Variants in LYRM4 observed in about 807,000 individuals in gnomAD.
The protein encoded by LYRM4 is LYR motif containing 4, also known as LYR motif-containing protein 4.
A neutral mutation model predicts 11.7 loss-of-function variants in LYRM4; 9 were observed. The ratio of observed to expected loss-of-function variants is 0.77; its 90% CI spans 0.46 to 1.34. LYRM4 has a LOEUF of 1.34. Among genes scored for constraint, LYRM4 ranks in the 40% most tolerant of loss-of-function variants. The probability of loss-of-function intolerance (pLI) is 0.00; values close to 1 mark genes in which losing one functional copy is unlikely to be tolerated. For synonymous variants in LYRM4, 42 were observed against 40.4 expected (o/e 1.04, Z -0.15); for missense variants, 133 against 112.5 (o/e 1.18, Z -0.82).
At chr6:5,098,755 G>T (rs1266087309), downstream of LYRM4, among the ~76,000 whole-genome samples, 3 of 152,148 alleles carry the variant, frequency 2.0e-5, no homozygotes, top group Non-Finnish European at 4.4e-5. Context: ...TACCATGGCG[G>T]GCAGAACCCC....
the LYRM4 span, among the ~76,000 whole-genome samples, chr6:5,096,920 T>G: frequency 2.0e-5 from 3 of 146,730 alleles, no homozygotes; most frequent in African/African-American, 7.5e-5. Context: ...GAACAAATGA[T>G]AGTAGCCCTG....
chr6:5,094,562 A>C, the LYRM4 span, among the ~76,000 whole-genome samples: 63 of 152,346 alleles, frequency 4.1e-4, no homozygotes, highest in African/African-American at 1.4e-3. Context: ...GATGACTAAC[A>C]GATTTCTGTG....
At chr6:5,089,600 A>T in the LYRM4 span, 2 of 152,236 alleles carry the variant, frequency 1.3e-5, no homozygotes, top group Non-Finnish European at 2.9e-5. Context: ...TCATAACACC[A>T]TTACTGATTT....
chr6:5,128,279 C>T (rs1401333998), intron 2 of LYRM4, among the ~76,000 whole-genome samples: 1 of 152,200 alleles, frequency 6.6e-6, no homozygotes, highest in Non-Finnish European at 1.5e-5. Context: ...GCAGTGATGA[C>T]ATTTATATCC....
At chr6:5,185,438 G>GT (rs1004826849) in intron 2 of LYRM4, among the ~76,000 whole-genome samples, 2 of 152,136 alleles carry the variant, frequency 1.3e-5, no homozygotes, top group African/African-American at 4.8e-5. Context: ...GAAGAAATGG[G>GT]TTTTGGATTC....
At chr6:5,145,103 T>C (rs1195862076) in intron 2 of LYRM4, among the ~76,000 whole-genome samples, 1 of 152,150 alleles carries the variant, frequency 6.6e-6, no homozygotes, top group East Asian at 1.9e-4. Flanking sequence ...AACGGGCACA[T>C]CCCTGTGGAA....
chr6:5,121,756 GGA>G (rs1371563035), intron 2 of LYRM4, among the ~76,000 whole-genome samples: 2 of 152,210 alleles, frequency 1.3e-5, no homozygotes, highest in Non-Finnish European at 2.9e-5. Context: ...CTGCATTTGG[GGA>G]GAGACCAAAG....
intron 2 of LYRM4, among the ~76,000 whole-genome samples, chr6:5,161,851 A>G (rs1758776918): frequency 6.6e-6 from 1 of 152,110 alleles, no homozygotes; most frequent in Non-Finnish European, 1.5e-5. Context: ...TGTTTGCAAG[A>G]GCTCTCTCTG....
At chr6:5,049,937 G>A in the LYRM4 span, among the ~76,000 whole-genome samples, 1 of 152,174 alleles carries the variant, frequency 6.6e-6, no homozygotes, top group Non-Finnish European at 1.5e-5. Context: ...TGAAGTGCTG[G>A]GATTACAGGC....
At chr6:5,241,058 G>A (rs1306337877) in intron 1 of LYRM4, among the ~76,000 whole-genome samples, 1 of 152,186 alleles carries the variant, frequency 6.6e-6, no homozygotes, top group African/African-American at 2.4e-5. Context: ...TCTATTCTAT[G>A]AACTGCAGCT....
At chr6:5,033,468 C>T in the LYRM4 span, 1 of 152,254 alleles carries the variant, frequency 6.6e-6, no homozygotes, top group Non-Finnish European at 1.5e-5. Context: ...AATGCCTCCC[C>T]CTCACCACTC....
chr6:5,155,236 C>T (rs966134462), intron 2 of LYRM4, among the ~76,000 whole-genome samples: 3 of 152,204 alleles, frequency 2.0e-5, no homozygotes, highest in East Asian at 1.9e-4. Flanking sequence ...CATGCGCCAC[C>T]GCCTGGATAA....
At chr6:5,046,232 T>C in the LYRM4 span, among the ~76,000 whole-genome samples, 1 of 152,116 alleles carries the variant, frequency 6.6e-6, no homozygotes, top group Non-Finnish European at 1.5e-5. Flanking sequence ...CTGCAAGCTC[T>C]GCCTCCTGGG....
At chr6:5,104,964 G>C (rs1300535731), downstream of LYRM4, 3 of 152,184 alleles carry the variant, frequency 2.0e-5, no homozygotes, top group Non-Finnish European at 4.4e-5. Context: ...TCTCTAAAGG[G>C]AGTGACCAGT....
intron 2 of LYRM4, among the ~76,000 whole-genome samples, chr6:5,153,242 C>G (rs1257373721): frequency 1.3e-5 from 2 of 152,098 alleles, no homozygotes; most frequent in African/African-American, 2.4e-5. Flanking sequence ...CAGGTGTGCA[C>G]CAACACGCCT....
At chr6:5,255,580 A>G (rs1340761323) in intron 1 of LYRM4, among the ~76,000 whole-genome samples, 1 of 152,194 alleles carries the variant, frequency 6.6e-6, no homozygotes, top group Non-Finnish European at 1.5e-5. Flanking sequence ...AGAACGTAAA[A>G]GGCCTAAGAC....
At chr6:5,074,676 A>G in the LYRM4 span, among the ~76,000 whole-genome samples, 1 of 150,828 alleles carries the variant, frequency 6.6e-6, no homozygotes, top group South Asian at 2.1e-4. Flanking sequence ...CACAACATGC[A>G]GGTTTGTTAA....
At chr6:5,116,275 T>C (rs1763114298) in intron 2 of LYRM4, among the ~76,000 whole-genome samples, 1 of 152,170 alleles carries the variant, frequency 6.6e-6, no homozygotes, top group Non-Finnish European at 1.5e-5. Flanking sequence ...AATCAAATGA[T>C]TTAAATTTGG....
At chr6:5,201,586 C>G (rs1311345575) in intron 2 of LYRM4, among the ~76,000 whole-genome samples, 2 of 152,106 alleles carry the variant, frequency 1.3e-5, no homozygotes, top group East Asian at 3.9e-4. Flanking sequence ...CAGAGGGAAC[C>G]ATCTGTCTTT....
Sources: gnomAD v4.1 joint callset for allele counts (sites outside exome capture counted in the v4.1 genomes callset) on GRCh38, gnomAD v4.1.1 for gene constraint, MANE v1.5 for transcripts, NCBI Gene and HGNC (gene_info 2026-07-23, HGNC 2026-07-21) for gene names.